FHIT: variants seen among roughly 807,000 people sequenced by gnomAD.
The protein encoded by FHIT is bis(5'-adenosyl)-triphosphatase.
A neutral mutation model predicts 17.9 loss-of-function variants in FHIT; 19 were observed. The ratio of observed to expected loss-of-function variants is 1.06; its 90% CI spans 0.74 to 1.56. FHIT has a LOEUF of 1.56. FHIT is among the 40% of genes most tolerant of loss of function. FHIT has a pLI of 0.00. For synonymous variants in FHIT, 81 were observed against 69.7 expected, an observed-to-expected ratio of 1.16 and a Z score of -0.81; for missense variants, 248 against 189.2, an observed-to-expected ratio of 1.31 and a Z score of -1.82.
chr3:60,182,935 A>AG (rs1261110379), intron 5 of FHIT, among the ~76,000 whole-genome samples: 1 of 151,968 alleles, frequency 6.6e-6, no homozygotes, highest in African/African-American at 2.4e-5. Flanking sequence ...AAGAAAAAAA[A>AG]GAAAAAACAA....
chr3:60,913,059 G>C (rs182223042), intron 3 of FHIT, among the ~76,000 whole-genome samples: 1 of 152,212 alleles, frequency 6.6e-6, no homozygotes, highest in Non-Finnish European at 1.5e-5. Flanking sequence ...CACTCTGTAG[G>C]TGAAAGCATT....
rs1240060361 is a variant in FHIT at position 60,303,878 on chromosome 3, G to A, written c.103+232982C>T. The stretch of plus-strand genomic sequence containing the variant: ...CTCAGATGAGGGACTGGAGACAGGA[G>A]TGCCCAGCACTTAGAGGATTACAGA... On this transcript the variant is annotated intron_variant, in intron 5 of 9. Transcript: ENST00000492590. 2.0e-5 allele frequency among the ~76,000 whole-genome samples: 3 copies of A among 152,140 alleles called. No individual in the cohort carries two copies. The East Asian group carries it at 5.8e-4, about 29-fold the overall frequency.
chr3:61,126,135 T>C (rs1169202411), intron 2 of FHIT, among the ~76,000 whole-genome samples: 1 of 152,142 alleles, frequency 6.6e-6, no homozygotes, highest in Non-Finnish European at 1.5e-5. Flanking sequence ...ATGGCATCTA[T>C]GAGTCTGACA....
At chr3:60,961,066 C>T (rs1196710467) in intron 3 of FHIT, among the ~76,000 whole-genome samples, 5 of 152,186 alleles carry the variant, frequency 3.3e-5, no homozygotes, top group Non-Finnish European at 7.3e-5. Context: ...AAAAGTTTTC[C>T]TATTACTCCA....
At chr3:60,246,176 T>C (rs369433398) in intron 5 of FHIT, among the ~76,000 whole-genome samples, 3 of 152,166 alleles carry the variant, frequency 2.0e-5, no homozygotes, top group South Asian at 2.1e-4. Context: ...AATGGAAATG[T>C]AGAGAAAAAC....
chr3:60,722,330 G>T (rs1553708253), intron 4 of FHIT, among the ~76,000 whole-genome samples: 1 of 152,194 alleles, frequency 6.6e-6, no homozygotes, highest in Non-Finnish European at 1.5e-5. Flanking sequence ...CTCATTTTCA[G>T]GTTATAGACT....
intron 2 of FHIT, among the ~76,000 whole-genome samples, chr3:61,145,846 G>T (rs2037211603): frequency 6.6e-6 from 1 of 151,824 alleles, no homozygotes; most frequent in East Asian, 1.9e-4. Flanking sequence ...ATTTATTTTT[G>T]TATATTGATC....
intron 5 of FHIT, among the ~76,000 whole-genome samples, chr3:60,232,955 AGAGTTCT>A (rs969421938): frequency 6.6e-5 from 10 of 152,188 alleles, no homozygotes; most frequent in African/African-American, 2.4e-4. Flanking sequence ...AGTTTTTAAA[AGAGTTCT>A]GATGTTCTAG....
At chr3:59,789,380 T>G (rs1339490590) in intron 8 of FHIT, among the ~76,000 whole-genome samples, 1 of 152,182 alleles carries the variant, frequency 6.6e-6, no homozygotes, top group East Asian at 1.9e-4. Flanking sequence ...ATTAAAATGG[T>G]TTCTACTGAC....
intron 4 of FHIT, among the ~76,000 whole-genome samples, chr3:60,762,249 C>T (rs1699680934): frequency 6.6e-6 from 1 of 152,146 alleles, no homozygotes; most frequent in Non-Finnish European, 1.5e-5. Context: ...AAATAATCAG[C>T]TTCTTAACCT....
rs192823737 is a variant in FHIT, at chr3:60,618,884, A to G, written c.-17-81905T>C. Among the ~76,000 whole-genome samples the G allele has an allele frequency of 1.2e-3, 183 of 152,254 alleles. 1 individual carries two copies. Among genetic ancestry groups the G allele is most frequent in the African/African-American group, 4.3e-3 (180 of 41,530 alleles). On this transcript the variant is annotated intron_variant, in intron 4 of 9. Coordinates refer to ENST00000492590, the MANE Select transcript of FHIT (RefSeq NM_002012.4). ...AGGCTTTGAAGAAGGAAGGGACCATAAGCCAAAGAATGCAGGGGGCCACAA... is the reference window on the plus strand; with the variant it reads ...AGGCTTTGAAGAAGGAAGGGACCATGAGCCAAAGAATGCAGGGGGCCACAA...
At chr3:61,095,168 A>T (rs2035601103) in intron 2 of FHIT, among the ~76,000 whole-genome samples, 1 of 152,202 alleles carries the variant, frequency 6.6e-6, no homozygotes, top group Non-Finnish European at 1.5e-5. Context: ...TCCATTTACT[A>T]CTAGTTCAGC....
At chr3:60,721,809 T>G (rs1553708129) in intron 4 of FHIT, among the ~76,000 whole-genome samples, 1 of 151,976 alleles carries the variant, frequency 6.6e-6, no homozygotes, top group Non-Finnish European at 1.5e-5. Context: ...AAAAGAGTAT[T>G]ATTATTATTA....
intron 8 of FHIT, among the ~76,000 whole-genome samples, chr3:59,876,425 G>GGC (rs1703162687): frequency 7.4e-6 from 1 of 135,316 alleles, no homozygotes; most frequent in East Asian, 2.3e-4. Flanking sequence ...GGGCCACTGG[G>GGC]ACAGGGGCAG....
chr3:61,066,170 A>C (rs1030322174), intron 2 of FHIT, among the ~76,000 whole-genome samples: 2 of 152,218 alleles, frequency 1.3e-5, no homozygotes, highest in Non-Finnish European at 2.9e-5. Context: ...TTAACATAAT[A>C]ATGACATTAA....
At chr3:60,749,152 T>C (rs1220710163) in intron 4 of FHIT, among the ~76,000 whole-genome samples, 1 of 152,168 alleles carries the variant, frequency 6.6e-6, no homozygotes, top group Admixed American at 6.5e-5. Flanking sequence ...GGTCTCTCTG[T>C]CTTCTTCAAG....
At chr3:61,123,837 T>C (rs1352360287) in intron 2 of FHIT, among the ~76,000 whole-genome samples, 2 of 152,096 alleles carry the variant, frequency 1.3e-5, no homozygotes, top group African/African-American at 4.8e-5. Flanking sequence ...ATGATATCAC[T>C]GAAAAGGGAG....
intron 5 of FHIT, among the ~76,000 whole-genome samples, chr3:60,206,149 A>AATAAT (rs1553712155): frequency 2.4e-3 from 229 of 94,110 alleles, no homozygotes; most frequent in Non-Finnish European, 3.5e-3. Context: ...AAAAAAAAAT[A>AATAAT]AATAATAATA....
chr3:60,928,402 G>C lies in FHIT; in HGVS notation c.-110-106391C>G, dbSNP rs746757290. Among the ~76,000 whole-genome samples, 44 of 147,750 alleles carry C rather than the reference G, an allele frequency of 3.0e-4. No individual in the cohort carries two copies. The East Asian group carries it at 4.6e-3, about 15-fold the overall frequency. On this transcript the variant is annotated intron_variant, in intron 3 of 9. Transcript: ENST00000492590. Reference sequence around the variant, plus strand: ...AAAGAAAAAAAAAGTGCGAAAATTAGCCAGGCATGGTGGAGTATGCCTTGG... The same window carrying C: ...AAAGAAAAAAAAAGTGCGAAAATTACCCAGGCATGGTGGAGTATGCCTTGG...
Sources: gnomAD v4.1 joint callset for allele counts (sites outside exome capture counted in the v4.1 genomes callset) on GRCh38, gnomAD v4.1.1 for gene constraint, MANE v1.5 for transcripts, NCBI Gene and HGNC (gene_info 2026-07-23, HGNC 2026-07-21) for gene names.